Variants in ZSWIM5 observed in about 807,000 individuals in gnomAD.
ZSWIM5 encodes the protein zinc finger SWIM domain-containing protein 5.
A neutral mutation model predicts 119.6 loss-of-function variants in ZSWIM5; 55 were observed. That is an observed-to-expected ratio of 0.46 (90% CI 0.37 to 0.58). ZSWIM5 has a LOEUF of 0.58. Ranked by LOEUF, ZSWIM5 falls within the 20% of genes least tolerant of loss-of-function variation. The pLI is 0.00. For synonymous variants in ZSWIM5, 537 were observed against 606.9 expected (o/e 0.88, Z 1.69); for missense variants, 1,193 against 1,512.8 (o/e 0.79, Z 3.51).
chr1:45,121,529 C>T (rs772063180), intron 1 of ZSWIM5, among the ~76,000 whole-genome samples: 1 of 151,882 alleles, frequency 6.6e-6, no homozygotes, highest in Admixed American at 6.6e-5. Context: ...GTGTATAAAA[C>T]TTGATTCTTC....
intron 1 of ZSWIM5, among the ~76,000 whole-genome samples, chr1:45,099,110 G>T (rs1487959870): frequency 6.6e-6 from 1 of 152,148 alleles, no homozygotes; most frequent in African/African-American, 2.4e-5. Context: ...GAATCCAGCA[G>T]CTGGTTTTTT....
intron 5 of ZSWIM5, among the ~76,000 whole-genome samples, chr1:45,045,968 C>T (rs1033638445): frequency 1.3e-5 from 2 of 151,872 alleles, no homozygotes; most frequent in Non-Finnish European, 2.9e-5. Context: ...CAAAAGGAAC[C>T]GCAAGCACTA....
chr1:45,127,293 C>T (rs1645627166), intron 1 of ZSWIM5, among the ~76,000 whole-genome samples: 1 of 151,956 alleles, frequency 6.6e-6, no homozygotes, highest in East Asian at 1.9e-4. Flanking sequence ...TCAGTTGACA[C>T]AGGAAAAGTA....
At chr1:45,145,888 G>A (rs1417608340) in intron 1 of ZSWIM5, among the ~76,000 whole-genome samples, 1 of 152,170 alleles carries the variant, frequency 6.6e-6, no homozygotes, top group Non-Finnish European at 1.5e-5. Context: ...AGATGGAGCT[G>A]CTAACAAGGT....
At chr1:45,061,370 T>C (rs892842554) in intron 2 of ZSWIM5, among the ~76,000 whole-genome samples, 1 of 136,212 alleles carries the variant, frequency 7.3e-6, no homozygotes, top group South Asian at 2.7e-4. Flanking sequence ...AATCTATGCA[T>C]ACTTTTTTTT....
intron 2 of ZSWIM5, among the ~76,000 whole-genome samples, chr1:45,068,651 C>T (rs914465708): frequency 9.2e-5 from 14 of 152,062 alleles, no homozygotes; most frequent in South Asian, 2.1e-4. Flanking sequence ...ACTGATTTTT[C>T]TGAATGGTAT....
chr1:45,081,317 G>A (rs1645288872), intron 2 of ZSWIM5, among the ~76,000 whole-genome samples: 1 of 148,014 alleles, frequency 6.8e-6, no homozygotes, highest in African/African-American at 2.5e-5. Flanking sequence ...CTCTCCCCAT[G>A]GTCTCCCTCT....
chr1:45,094,352 CT>C (rs1645386321), intron 1 of ZSWIM5, among the ~76,000 whole-genome samples: 1 of 152,056 alleles, frequency 6.6e-6, no homozygotes, highest in African/African-American at 2.4e-5. Flanking sequence ...CTGTGCCCAG[CT>C]GCCTGGCTAA....
intron 5 of ZSWIM5, among the ~76,000 whole-genome samples, chr1:45,046,057 G>A (rs1439474128): frequency 6.6e-6 from 1 of 152,004 alleles, no homozygotes; most frequent in African/African-American, 2.4e-5. Flanking sequence ...GAGCAAGCAG[G>A]AGAATCACAG....
At chr1:45,185,095 G>T (rs916636860) in intron 1 of ZSWIM5, among the ~76,000 whole-genome samples, 5 of 151,942 alleles carry the variant, frequency 3.3e-5, no homozygotes, top group African/African-American at 1.2e-4. Context: ...AAATAACGCC[G>T]CATATCTACA....
Position 45,115,557 on chromosome 1 carries a change from G to A in ZSWIM5, c.596-27320C>T, listed in dbSNP as rs539267248. ...CCCAGACGGGGCGCGGGGCAGAGGC[G>A]CTCCCCACATCTCAGACGATGGGCG... On this transcript the variant is annotated intron_variant, in intron 1 of 13. Transcript: ENST00000359600. Among the ~76,000 whole-genome samples the A allele has an allele frequency of 7.4e-5, 11 of 149,086 alleles. No individual in the cohort carries two copies. In the East Asian group the frequency reaches 1.6e-3, roughly 22 times the overall value.
chr1:45,132,163 G>A (rs1447618796), intron 1 of ZSWIM5, among the ~76,000 whole-genome samples: 1 of 150,850 alleles, frequency 6.6e-6, no homozygotes, highest in Non-Finnish European at 1.5e-5. Flanking sequence ...ATTTATATAT[G>A]TACTTGTATA....
intron 2 of ZSWIM5, among the ~76,000 whole-genome samples, chr1:45,074,544 G>C (rs1370778074): frequency 1.3e-5 from 2 of 151,748 alleles, no homozygotes; most frequent in Non-Finnish European, 2.9e-5. Context: ...ATGATCCTTT[G>C]AATTTCTGTG....
chr1:45,177,291 A>G (rs925709490), intron 1 of ZSWIM5, among the ~76,000 whole-genome samples: 4 of 152,164 alleles, frequency 2.6e-5, no homozygotes, highest in African/African-American at 9.7e-5. Context: ...TTTATTTTAC[A>G]CTTCCAATCA....
At chr1:45,031,403 C>G (rs1436090115) in intron 11 of ZSWIM5, among the ~76,000 whole-genome samples, 1 of 150,938 alleles carries the variant, frequency 6.6e-6, no homozygotes, top group Non-Finnish European at 1.5e-5. Flanking sequence ...AGGCTGGTCT[C>G]GAACTCCTGG....
At chr1:45,157,582 C>A (rs1437205078) in intron 1 of ZSWIM5, among the ~76,000 whole-genome samples, 1 of 152,168 alleles carries the variant, frequency 6.6e-6, no homozygotes, top group African/African-American at 2.4e-5. Context: ...TTTAGCCATT[C>A]TCCTATCCGT....
chr1:45,198,067 C>T (rs1020479360), intron 1 of ZSWIM5, among the ~76,000 whole-genome samples: 3 of 152,220 alleles, frequency 2.0e-5, no homozygotes, highest in Non-Finnish European at 2.9e-5. Context: ...TGTTTGTGCT[C>T]TAATCGAGGA....
intron 11 of ZSWIM5, among the ~76,000 whole-genome samples, chr1:45,033,996 AGGCGCCCGCCACCAC>A (rs1158881047): frequency 6.6e-6 from 1 of 151,986 alleles, no homozygotes; most frequent in African/African-American, 2.4e-5. Context: ...CTGGGACTAC[AGGCGCCCGCCACCAC>A]GCCCGGCTAC....
chr1:45,084,030 C>T (rs1437957397), intron 2 of ZSWIM5, among the ~76,000 whole-genome samples: 1 of 152,204 alleles, frequency 6.6e-6, no homozygotes, highest in Admixed American at 6.5e-5. Flanking sequence ...CCACCTCAGC[C>T]TCCCGAGTAG....
Sources: gnomAD v4.1 joint callset for allele counts (sites outside exome capture counted in the v4.1 genomes callset) on GRCh38, gnomAD v4.1.1 for gene constraint, MANE v1.5 for transcripts, NCBI Gene and HGNC (gene_info 2026-07-23, HGNC 2026-07-21) for gene names.